Variants in FRMPD3 observed in about 807,000 individuals in gnomAD.
FRMPD3 encodes FERM and PDZ domain containing 3.
A neutral mutation model predicts 97.9 loss-of-function variants in FRMPD3; 42 were observed. That is an observed-to-expected ratio of 0.43 (90% CI 0.34 to 0.55). The LOEUF is 0.55. FRMPD3 is among the 20% of genes least tolerant of loss of function. The probability of loss-of-function intolerance (pLI) is 0.03; values close to 1 mark genes in which losing one functional copy is unlikely to be tolerated. For missense variants in FRMPD3, 1,303 were observed against 1,457.7 expected (o/e 0.89, Z 1.73); for synonymous variants, 577 against 581.1 (o/e 0.99, Z 0.10).
intron 13 of FRMPD3, among the ~76,000 whole-genome samples, chrX:107,584,854 G>T (rs1399206874): frequency 8.9e-6 from 1 of 111,960 alleles, no homozygotes; most frequent in East Asian, 2.8e-4. Flanking sequence ...TAGCCTCGTA[G>T]TATAGTTTGA....
intron 1 of FRMPD3, among the ~76,000 whole-genome samples, chrX:107,482,454 G>C (rs1921399771): frequency 9.0e-6 from 1 of 111,613 alleles, no homozygotes; most frequent in African/African-American, 3.3e-5. Flanking sequence ...TCTTACTTTT[G>C]ACTTGGAGCC....
Position 107,459,028 on chromosome X carries a change from C to G in FRMPD3, c.-8+9023C>G, listed in dbSNP as rs144233518. Among the ~76,000 whole-genome samples, 354 of 112,263 alleles carry G rather than the reference C, an allele frequency of 3.2e-3. 1 individual carries two copies. The highest frequency in any genetic ancestry group is 0.011 in the African/African-American group (341 of 30,905). ...TCATGCCCTCAGGACCTTAAGGTGG[C>G]AGAGTTTCTGGAGCTAAGATAACAT... On this transcript the variant is annotated intron_variant, in intron 1 of 14. Coordinates refer to ENST00000683843, the MANE Select transcript of FRMPD3 (RefSeq NM_001388459.1).
intron 1 of FRMPD3, among the ~76,000 whole-genome samples, chrX:107,507,236 C>T (rs1922054310): frequency 9.0e-6 from 1 of 110,894 alleles, no homozygotes; most frequent in Non-Finnish European, 1.9e-5. Context: ...CCCAAGGATT[C>T]GTTTGGGTTG....
At chrX:107,536,280 C>T (rs950051893) in intron 4 of FRMPD3, among the ~76,000 whole-genome samples, 1 of 110,972 alleles carries the variant, frequency 9.0e-6, no homozygotes, top group Non-Finnish European at 1.9e-5. Context: ...TGCTTGAGCC[C>T]AGGTGTTGGA....
At position 107,462,730 on chromosome X, in the gene FRMPD3, G is replaced by A. The variant is rs573478562; in HGVS notation, c.-8+12725G>A. Among the ~76,000 whole-genome samples, 4 of 111,725 alleles carry A rather than the reference G, an allele frequency of 3.6e-5. No homozygotes were observed. The East Asian group carries it at 1.1e-3, about 31-fold the overall frequency. On this transcript the variant is annotated intron_variant, in intron 1 of 14. Coordinates refer to ENST00000683843, the MANE Select transcript of FRMPD3 (RefSeq NM_001388459.1). ...AGAATCAGCTTTTCCTAATATTTTG[G>A]CATTAACTGGCAAGAATCCACAGTT...
intron 13 of FRMPD3, among the ~76,000 whole-genome samples, chrX:107,580,029 A>G (rs998834759): frequency 8.9e-6 from 1 of 112,219 alleles, no homozygotes; most frequent in Non-Finnish European, 1.9e-5. Flanking sequence ...CTAGGTCGTC[A>G]TTATGACCAG....
At position 107,467,639 on chromosome X, in the gene FRMPD3, A is replaced by G. The variant is rs182716025; in HGVS notation, c.-8+17634A>G. On this transcript the variant is annotated intron_variant, in intron 1 of 14. Transcript: ENST00000683843. ...CTCCCTAACTGCATTAAGGTTAGGA[A>G]ATGGGTTTTTCCCCCTCTCTCACTA... Among the ~76,000 whole-genome samples, 10 of 111,136 alleles carry G rather than the reference A, an allele frequency of 9.0e-5. No homozygotes were observed. The East Asian group carries it at 2.0e-3, about 22-fold the overall frequency.
chrX:107,541,793 C>T (rs1175347569), intron 4 of FRMPD3, among the ~76,000 whole-genome samples: 1 of 112,386 alleles, frequency 8.9e-6, no homozygotes, highest in African/African-American at 3.2e-5. Flanking sequence ...AAAGGACTCC[C>T]AGCTTTAGCC....
intron 4 of FRMPD3, 59 bp downstream of exon 4, chrX:107,533,609 A>G: frequency 1.9e-6 from 2 of 1,080,399 alleles, no homozygotes; most frequent in East Asian, 3.0e-5. Context: ...TGACATTTCC[A>G]TATTGGAAAG....
intron 1 of FRMPD3, among the ~76,000 whole-genome samples, chrX:107,488,856 T>G (rs1488179100): frequency 9.0e-6 from 1 of 110,734 alleles, no homozygotes; most frequent in South Asian, 4.0e-4. Context: ...TTATTATACT[T>G]TAAGTTTTAG....
intron 1 of FRMPD3, among the ~76,000 whole-genome samples, chrX:107,493,126 G>A (rs779817582): frequency 1.1e-5 from 1 of 93,422 alleles, no homozygotes; most frequent in South Asian, 5.8e-4. Context: ...GCTATAGAGA[G>A]CTGTGATTGT....
At chrX:107,565,830 C>A (rs1922581022) in intron 12 of FRMPD3, among the ~76,000 whole-genome samples, 1 of 112,409 alleles carries the variant, frequency 8.9e-6, no homozygotes, top group Non-Finnish European at 1.9e-5. Context: ...TTCTGCCTGG[C>A]TGCCCCAGAA....
At chrX:107,495,525 A>T (rs1388997561) in intron 1 of FRMPD3, among the ~76,000 whole-genome samples, 2 of 112,299 alleles carry the variant, frequency 1.8e-5, no homozygotes, top group Non-Finnish European at 3.8e-5. Context: ...ATAAGATCTC[A>T]GTAAATATTT....
intron 1 of FRMPD3, among the ~76,000 whole-genome samples, chrX:107,523,168 A>G (rs1319584510): frequency 9.0e-6 from 1 of 111,356 alleles, no homozygotes; most frequent in Non-Finnish European, 1.9e-5. Flanking sequence ...GAAAAAGGCA[A>G]ACCCCAGGAG....
At chrX:107,493,177 CA>C (rs60695168) in intron 1 of FRMPD3, among the ~76,000 whole-genome samples, 7 of 51,720 alleles carry the variant, frequency 1.4e-4, no homozygotes, top group African/African-American at 5.1e-4. Flanking sequence ...GAGACCCTGT[CA>C]AAAAAAAAAA....
At chrX:107,460,225 A>G (rs1931445834) in intron 1 of FRMPD3, among the ~76,000 whole-genome samples, 1 of 111,591 alleles carries the variant, frequency 9.0e-6, no homozygotes, top group East Asian at 2.8e-4. Flanking sequence ...TCAACCAGGT[A>G]AGTGTCAAGA....
At chrX:107,499,728 A>G (rs936595125) in intron 1 of FRMPD3, among the ~76,000 whole-genome samples, 1 of 112,510 alleles carries the variant, frequency 8.9e-6, no homozygotes, top group African/African-American at 3.2e-5. Flanking sequence ...TAATAACCAT[A>G]AAGTAGACAT....
chrX:107,477,508 A>G (rs1346351747), intron 1 of FRMPD3, among the ~76,000 whole-genome samples: 1 of 112,882 alleles, frequency 8.9e-6, no homozygotes, highest in African/African-American at 3.2e-5. Flanking sequence ...TTTATGCATG[A>G]GCTGAACATT....
At position 107,561,324 on chromosome X, in the gene FRMPD3, C is replaced by T. The variant is rs897235572; in HGVS notation, c.1026+471C>T. On this transcript the variant is annotated intron_variant, in intron 10 of 14. Transcript: ENST00000683843. ...GACCAGTCTGGGCAACATAGTGAGACAGCGTCTTTACTTTTAAAAAAATAA... is the reference window on the plus strand; with the variant it reads ...GACCAGTCTGGGCAACATAGTGAGATAGCGTCTTTACTTTTAAAAAAATAA... Among the ~76,000 whole-genome samples the T allele has an allele frequency of 2.7e-5, 3 of 110,769 alleles. No homozygotes were observed. In the East Asian group the frequency reaches 8.5e-4, roughly 31 times the overall value.
Sources: gnomAD v4.1 joint callset for allele counts (sites outside exome capture counted in the v4.1 genomes callset) on GRCh38, gnomAD v4.1.1 for gene constraint, MANE v1.5 for transcripts, NCBI Gene and HGNC (gene_info 2026-07-23, HGNC 2026-07-21) for gene names.